Variants in MYO3B observed in about 807,000 individuals in gnomAD.
MYO3B encodes myosin-IIIb.
MYO3B carries 156 observed loss-of-function variants against 174.6 expected under a neutral mutation model. That is an observed-to-expected ratio of 0.89 (90% CI 0.78 to 1.02). MYO3B has a LOEUF of 1.02. Ranked by LOEUF, MYO3B falls within the 50% of genes least tolerant of loss-of-function variation. The pLI, the probability that MYO3B is intolerant of heterozygous loss-of-function variation, is 0.00. For synonymous variants in MYO3B, 563 were observed against 569.1 expected (o/e 0.99, Z 0.15); for missense variants, 1,632 against 1,639.4 (o/e 1.00, Z 0.08).
chr2:170,542,021 T>C (rs553421665), intron 30 of MYO3B, among the ~76,000 whole-genome samples: 3 of 152,296 alleles, frequency 2.0e-5, no homozygotes, highest in Admixed American at 2.0e-4. Context: ...TTAGGAATAA[T>C]TTATCTCAAT....
At chr2:170,442,244 T>C (rs1030956649) in intron 22 of MYO3B, among the ~76,000 whole-genome samples, 4 of 152,226 alleles carry the variant, frequency 2.6e-5, no homozygotes, top group Non-Finnish European at 5.9e-5. Context: ...CTATCAGCAA[T>C]GAAGGTTCCA....
intron 9 of MYO3B, among the ~76,000 whole-genome samples, chr2:170,380,944 C>T (rs1388137000): frequency 1.3e-5 from 2 of 152,096 alleles, no homozygotes; most frequent in Non-Finnish European, 2.9e-5. Flanking sequence ...AGCAAAACTC[C>T]ATCTCTACAA....
At position 170,238,752 on chromosome 2, in the gene MYO3B, A is replaced by T. The variant is rs565930715; in HGVS notation, c.749+2616A>T. Among the ~76,000 whole-genome samples, 35 of 151,924 alleles carry T rather than the reference A, an allele frequency of 2.3e-4. 1 individual carries two copies. The South Asian group carries it at 7.1e-3, about 31-fold the overall frequency. ...TGGTTACCTGTGAGCCTCAGATGTC[A>T]ATAAAACAGGTAATTAGGAAGGTTC... is the stretch of plus-strand genomic sequence containing the variant. On this transcript the variant is annotated intron_variant, in intron 7 of 34. Transcript: ENST00000408978.
At chr2:170,179,360 T>C (rs555392336) in intron 1 of MYO3B, among the ~76,000 whole-genome samples, 1 of 152,304 alleles carries the variant, frequency 6.6e-6, no homozygotes, top group South Asian at 2.1e-4. Flanking sequence ...ATAGGTGGTT[T>C]GTGAAGAAGC....
chr2:170,414,416 T>C (rs1574943260), intron 22 of MYO3B, among the ~76,000 whole-genome samples: 1 of 152,190 alleles, frequency 6.6e-6, no homozygotes, highest in East Asian at 1.9e-4. Context: ...CTCGAACTCC[T>C]GACCTCATGA....
chr2:170,352,774 C>T (rs988715236), intron 8 of MYO3B, among the ~76,000 whole-genome samples: 7 of 152,084 alleles, frequency 4.6e-5, no homozygotes, highest in East Asian at 1.9e-4. Flanking sequence ...ATTGTTTACT[C>T]GTTTGGGATA....
intron 32 of MYO3B, among the ~76,000 whole-genome samples, chr2:170,575,666 C>A (rs2106288700): frequency 6.6e-6 from 1 of 152,274 alleles, no homozygotes; most frequent in East Asian, 1.9e-4. Flanking sequence ...ATATTATGGA[C>A]AAACATACCC....
In MYO3B at chr2:170,387,197, C is replaced by T. The variant is rs529027538; in HGVS notation, c.1466C>T (p.Ser489Leu). Reference sequence around the variant, plus strand: ...TCATGCACTGCCATCAATGACAACTCGAGCCGTTTTGGAAAATATCTGGAA... The same window carrying T: ...TCATGCACTGCCATCAATGACAACTTGAGCCGTTTTGGAAAATATCTGGAA... ...GNSCTAINDN[S>L]SRFGKYLEMM... Residue 489 changes from serine (S) to leucine (L), a missense_variant, in exon 14 of 35, where the codon TCG (serine) becomes TTG (leucine). Coordinates refer to ENST00000408978, the MANE Select transcript of MYO3B (RefSeq NM_138995.5). 18 of 1,613,974 alleles carry T rather than the reference C, an allele frequency of 1.1e-5. No individual in the cohort carries two copies. The highest frequency in any genetic ancestry group is 4.5e-5 in the East Asian group (2 of 44,894).
intron 23 of MYO3B, among the ~76,000 whole-genome samples, chr2:170,447,888 T>G (rs530937223): frequency 6.6e-6 from 1 of 152,200 alleles, no homozygotes; most frequent in African/African-American, 2.4e-5. Context: ...GAAGCTGTCC[T>G]CTGGGGCTGA....
At chr2:170,499,086 G>A (rs1687060701) in intron 26 of MYO3B, among the ~76,000 whole-genome samples, 1 of 152,172 alleles carries the variant, frequency 6.6e-6, no homozygotes, top group Non-Finnish European at 1.5e-5. Context: ...TTGCTGCATA[G>A]CCTGATTATT....
Position 170,289,544 on chromosome 2 carries a change from C to G in MYO3B, c.750-45841C>G, listed in dbSNP as rs571340382. Among the ~76,000 whole-genome samples the G allele has an allele frequency of 2.6e-5, 4 of 151,930 alleles. No homozygotes were observed. In the East Asian group the frequency reaches 7.7e-4, roughly 29 times the overall value. ...TGATGACTCTGTATTTATGAGGTCT[C>G]AGTTTTAATGTCTTTTTTTTCATTT... is the stretch of plus-strand genomic sequence containing the variant. On this transcript the variant is annotated intron_variant, in intron 7 of 34. Transcript: ENST00000408978.
At chr2:170,299,385 A>G (rs954003332) in intron 7 of MYO3B, among the ~76,000 whole-genome samples, 2 of 152,208 alleles carry the variant, frequency 1.3e-5, no homozygotes, top group African/African-American at 2.4e-5. Flanking sequence ...GGCTTGTCTG[A>G]TATCACAGTC....
In MYO3B at chr2:170,307,242, C is replaced by CAAA. The variant is rs10718469; in HGVS notation, c.750-28119_750-28117dup. 1.4e-3 allele frequency among the ~76,000 whole-genome samples: 82 copies of CAAA among 57,668 alleles called. 7 individuals are homozygous for CAAA. Among genetic ancestry groups the CAAA allele is most frequent in the African/African-American group, 4.0e-3 (73 of 18,124 alleles). The allele number at this position is 57,668 out of a possible 152,430, so 37.8% of individuals were successfully genotyped here. A position where few individuals can be genotyped will look rare whatever the true frequency, so the allele number is the denominator to read the frequency against. ...TAGGTGACAGAGTGAGGCCTTATCT[C>CAAA]AAAAAAAAAAAAAAAAAAAAAAAAA... On this transcript the variant is annotated intron_variant, in intron 7 of 34. Coordinates refer to ENST00000408978, the MANE Select transcript of MYO3B (RefSeq NM_138995.5).
chr2:170,638,109 T>A (rs56030422), intron 32 of MYO3B, among the ~76,000 whole-genome samples: 81,714 of 150,294 alleles, frequency 0.54, 23,574 homozygotes, highest in Non-Finnish European at 0.66. Context: ...TCTCTCTCTC[T>A]CACACACACA....
At chr2:170,214,900 A>C (rs2105367229) in intron 5 of MYO3B, 72 bp downstream of exon 5, 15 of 1,161,242 alleles carry the variant, frequency 1.3e-5, no homozygotes, top group Non-Finnish European at 1.7e-5. Context: ...TTGCAATCTC[A>C]GAAGACTGGG....
chr2:170,389,194 A>G (rs1397557092), intron 14 of MYO3B, among the ~76,000 whole-genome samples: 2 of 152,240 alleles, frequency 1.3e-5, no homozygotes, highest in Non-Finnish European at 2.9e-5. Flanking sequence ...GAATTAAATG[A>G]GATGAAGAGA....
chr2:170,453,911 G>A (rs1269201080), intron 23 of MYO3B, among the ~76,000 whole-genome samples: 1 of 152,210 alleles, frequency 6.6e-6, no homozygotes, highest in African/African-American at 2.4e-5. Context: ...AATTCAATGA[G>A]TGGTCTCTGG....
chr2:170,469,260 C>A (rs1248568024), intron 25 of MYO3B, among the ~76,000 whole-genome samples: 1 of 152,210 alleles, frequency 6.6e-6, no homozygotes, highest in East Asian at 1.9e-4. Context: ...GAAAGTAACC[C>A]AATATTCTGT....
At chr2:170,189,926 G>C (rs1360678680) in intron 1 of MYO3B, among the ~76,000 whole-genome samples, 1 of 152,088 alleles carries the variant, frequency 6.6e-6, no homozygotes. Flanking sequence ...AAAGAGTTAG[G>C]TATTTACTGT....
Sources: gnomAD v4.1 joint callset for allele counts (sites outside exome capture counted in the v4.1 genomes callset) on GRCh38, gnomAD v4.1.1 for gene constraint, MANE v1.5 for transcripts, NCBI Gene and HGNC (gene_info 2026-07-23, HGNC 2026-07-21) for gene names.